The following NUP188 variants were observed in gnomAD, a reference collection of about 807,000 sequenced individuals.
The protein encoded by NUP188 is nucleoporin NUP188.
In NUP188, 97 loss-of-function variants were observed where a neutral mutation model predicts 223.0. That is an observed-to-expected ratio of 0.43 (90% confidence interval 0.37 to 0.51). NUP188 has a LOEUF of 0.51. NUP188 is among the 20% of genes least tolerant of loss of function. NUP188 has a pLI of 0.00. For synonymous variants in NUP188, 869 were observed against 828.0 expected (o/e 1.05, Z -0.85); for missense variants, 1,947 against 2,175.6 (o/e 0.89, Z 2.09).
rs921070040 is a variant in NUP188 at position 129,006,788 on chromosome 9, A to C, written c.*110A>C. 17 of 1,146,444 alleles carry C rather than the reference A, an allele frequency of 1.5e-5. No homozygotes were observed. Among genetic ancestry groups the C allele is most frequent in the East Asian group, 1.3e-4 (5 of 37,920 alleles). 71.0% of individuals were successfully genotyped at this position (1,146,444 alleles called of 1,614,324 possible). The stretch of plus-strand genomic sequence containing the variant: ...TATACAATGGAGGGCACCTCCTGTC[A>C]CCCCCCTCCCGGAGTAGCCACGACT... On this transcript the variant is annotated 3_prime_UTR_variant, in exon 44 of 44. Transcript: ENST00000372577.
chr9:128,959,205 G>C, intron 8 of NUP188, 71 bp downstream of exon 8: 1 of 1,257,204 alleles, frequency 8.0e-7, no homozygotes. Flanking sequence ...ACCCAGGCTG[G>C]AGTGCAGTGG....
At chr9:128,955,433 A>G (rs1458890994) in intron 3 of NUP188, among the ~76,000 whole-genome samples, 1 of 152,010 alleles carries the variant, frequency 6.6e-6, no homozygotes, top group Non-Finnish European at 1.5e-5. Context: ...TGGCCTCCCA[A>G]AGTGCTGGGA....
At chr9:128,996,137 G>T (rs1402896797) in intron 30 of NUP188, among the ~76,000 whole-genome samples, 2 of 151,736 alleles carry the variant, frequency 1.3e-5, no homozygotes, top group Non-Finnish European at 2.9e-5. Flanking sequence ...CTTTCTTGGG[G>T]TATCCAGATT....
Position 128,988,113 on chromosome 9 carries a change from C to G in NUP188, c.2460C>G (p.Val820=). Residue 820 remains valine (V), a synonymous_variant, in exon 24 of 44, where the codon GTC becomes GTG. Transcript: ENST00000372577. ...LIKTVKLAFS[V]TNNVIRLKPP... ...AGACAGTGAAACTGGCATTCTCCGT[C>G]ACCAACAATGTTATTCGGCTGAAAC... is the stretch of plus-strand genomic sequence containing the variant. 3 of 1,614,242 alleles carry G rather than the reference C, an allele frequency of 1.9e-6. No homozygotes were observed. Among genetic ancestry groups the G allele is most frequent in the Non-Finnish European group, 2.5e-6 (3 of 1,180,036 alleles).
chr9:128,994,136 G>A lies in NUP188; in HGVS notation c.3018-237G>A, dbSNP rs17481310. 2.7e-3 allele frequency among the ~76,000 whole-genome samples: 411 copies of A among 152,264 alleles called. 7 individuals are homozygous for A. In the East Asian group the frequency reaches 0.043, roughly 16 times the overall value. On this transcript the variant is annotated intron_variant, in intron 27 of 43. Transcript: ENST00000372577. ...GGGCTTTTGGGAATCTACAGTGGAA[G>A]GAATCTTGAAGAGTTTTTATTGATC... is the stretch of plus-strand genomic sequence containing the variant.
Position 128,988,075 on chromosome 9 carries a change from C to T in NUP188, c.2422C>T (p.Gln808Ter). 5 of 1,614,238 alleles carry T rather than the reference C, an allele frequency of 3.1e-6. No homozygotes were observed. Among genetic ancestry groups the T allele is most frequent in the Admixed American group, 1.7e-5 (1 of 60,028 alleles). The change falls in exon 24 of 44, where the codon CAG becomes TAG. Residue 808 changes from glutamine (Q) to a stop codon, truncating the protein, a stop_gained. Transcript: ENST00000372577. LOFTEE classifies it high-confidence loss of function. ...TGGGGCAGAGGGCCAGGGGCAGGGC[C>T]AGCTGCTGATCAAGACAGTGAAACT... ...SDGAEGQGQGQLLIKTVKLAF... is the reference protein window; with the variant it reads ...SDGAEGQGQG
intron 11 of NUP188, 97 bp from the exon 12 acceptor site, chr9:128,973,063 T>G (rs141420470): frequency 1.8e-6 from 1 of 559,362 alleles, no homozygotes; most frequent in African/African-American, 1.9e-5. Flanking sequence ...TCCTTCCCAT[T>G]TGTTTACAAA....
At chr9:128,952,538 C>T (rs1194521586) in intron 2 of NUP188, among the ~76,000 whole-genome samples, 1 of 151,996 alleles carries the variant, frequency 6.6e-6, no homozygotes, top group Non-Finnish European at 1.5e-5. Flanking sequence ...GCCTAGCCAA[C>T]ATGGTGAAAC....
chr9:128,958,466 A>C (rs1018614123), intron 6 of NUP188, among the ~76,000 whole-genome samples: 2 of 152,228 alleles, frequency 1.3e-5, no homozygotes, highest in Non-Finnish European at 2.9e-5. Flanking sequence ...ACAAGCAATT[A>C]GGACCTATAT....
intron 15 of NUP188, among the ~76,000 whole-genome samples, 190 bp from the exon 16 acceptor site, chr9:128,982,359 G>A (rs962469605): frequency 4.6e-5 from 7 of 151,822 alleles, no homozygotes; most frequent in African/African-American, 7.3e-5. Context: ...GAACCCAGGA[G>A]GTGGAGGTTG....
rs61751466 is a variant in NUP188, at chr9:129,005,657, G to C, written c.4750G>C (p.Ala1584Pro). ...QILLDQSLDL[A>P]EYNFLFALSF... ...TCTTTTCTCGCAGTCCCTGGACCTT[G>C]CTGAATACAACTTCCTGTTTGCCCT... The change falls in exon 41 of 44, where the codon GCT becomes CCT. Residue 1584 changes from alanine to proline, a missense_variant. By Grantham distance (27) the Ala-to-Pro change is conservative (BLOSUM62 -1). Coordinates refer to ENST00000372577, the MANE Select transcript of NUP188 (RefSeq NM_015354.3). The C allele has an allele frequency of 1.2e-6, 2 of 1,613,808 alleles. No individual in the cohort carries two copies. Among genetic ancestry groups the C allele is most frequent in the Admixed American group, 3.3e-5 (2 of 59,958 alleles).
chr9:128,967,289 C>T (rs1842043030), intron 8 of NUP188, among the ~76,000 whole-genome samples: 1 of 152,176 alleles, frequency 6.6e-6, no homozygotes, highest in Non-Finnish European at 1.5e-5. Context: ...AAGTATTAGG[C>T]TTATAGACGT....
rs754857706 is a variant in NUP188 at position 128,984,886 on chromosome 9, A to G, written c.1962-14A>G. On this transcript the variant is annotated splice_polypyrimidine_tract_variant and intron_variant, in intron 19 of 43. Transcript: ENST00000372577. ...TTTCCCTATCATTTTTTTTCCCTCT[A>G]CTTCTTTTTCCAGTGCGGAAGGGAT... 4.5e-6 allele frequency: 7 copies of G among 1,555,066 alleles called. No homozygotes were observed. In the East Asian group the frequency reaches 1.4e-4, roughly 30 times the overall value.
At chr9:128,994,275 G>A in intron 27 of NUP188, 98 bp from the exon 28 acceptor site, 2 of 806,178 alleles carry the variant, frequency 2.5e-6, no homozygotes, top group Admixed American at 1.8e-5. Context: ...GATTGAGACT[G>A]GTAAAATATG....
rs867370360 is a variant in NUP188, at chr9:128,987,098, T to A, written c.2264+223T>A. On this transcript the variant is annotated intron_variant, in intron 22 of 43. Transcript: ENST00000372577. ...GAGAGAGAGAGAGAGAGTGTGTGTGTGTGTGTGTGTGTGTGTGTGTGTGTG... is the reference window on the plus strand; with the variant it reads ...GAGAGAGAGAGAGAGAGTGTGTGTGAGTGTGTGTGTGTGTGTGTGTGTGTG... Among the ~76,000 whole-genome samples the A allele has an allele frequency of 6.9e-3, 909 of 132,352 alleles. 5 individuals carry two copies. The highest frequency in any genetic ancestry group is 0.031 in the South Asian group (131 of 4,204). The allele number at this position is 132,352 out of a possible 152,430, so 86.8% of individuals were successfully genotyped here.
At chr9:128,990,058 A>G in intron 24 of NUP188, 62 bp from the exon 25 acceptor site, 2 of 1,262,632 alleles carry the variant, frequency 1.6e-6, no homozygotes, top group South Asian at 2.4e-5. Context: ...TTGAACAGTC[A>G]GTGCTCTAAG....
chr9:128,954,450 T>C (rs1393941440), intron 3 of NUP188, among the ~76,000 whole-genome samples: 1 of 145,924 alleles, frequency 6.9e-6, no homozygotes, highest in Non-Finnish European at 1.5e-5. Context: ...AGTGGCACGA[T>C]CTCGGCTCAC....
chr9:128,992,652 A>G (rs1253295536), intron 25 of NUP188, among the ~76,000 whole-genome samples: 1 of 151,878 alleles, frequency 6.6e-6, no homozygotes, highest in Non-Finnish European at 1.5e-5. Context: ...TAATGTTTGC[A>G]TATCACATCC....
chr9:129,005,944 G>T (rs1232562970), intron 41 of NUP188, 106 bp from the exon 42 acceptor site: 28 of 1,420,802 alleles, frequency 2.0e-5, no homozygotes, highest in Non-Finnish European at 2.7e-5. Context: ...AGGATTAAAT[G>T]AGGTAACTGA....
Sources: gnomAD v4.1 joint callset for allele counts (sites outside exome capture counted in the v4.1 genomes callset) on GRCh38, gnomAD v4.1.1 for gene constraint, MANE v1.5 for transcripts, NCBI Gene and HGNC (gene_info 2026-07-23, HGNC 2026-07-21) for gene names.